The following NUP153 variants were observed in gnomAD, a reference collection of about 807,000 sequenced individuals.
NUP153 encodes the protein nucleoporin 153, also known as nuclear pore complex protein Nup153.
A neutral mutation model predicts 134.6 loss-of-function variants in NUP153; 27 were observed. The ratio of observed to expected loss-of-function variants is 0.20; its 90% CI spans 0.15 to 0.28. The LOEUF is 0.28. Ranked by LOEUF, NUP153 falls within the 10% of genes least tolerant of loss-of-function variation. NUP153 has a pLI of 1.00. For missense variants in NUP153, 1,821 were observed against 1,731.3 expected (o/e 1.05, Z -0.92); for synonymous variants, 640 against 623.5 (o/e 1.03, Z -0.40).
At chr6:17,688,025 A>G (rs1769041013) in intron 2 of NUP153, among the ~76,000 whole-genome samples, 2 of 152,172 alleles carry the variant, frequency 1.3e-5, no homozygotes, top group South Asian at 4.1e-4. Context: ...AGGCTGAGGC[A>G]GGAGAATGGC....
At chr6:17,681,224 C>T (rs979327954) in intron 2 of NUP153, among the ~76,000 whole-genome samples, 2 of 147,508 alleles carry the variant, frequency 1.4e-5, no homozygotes, top group Non-Finnish European at 3.0e-5. Flanking sequence ...AAAAAAAAAA[C>T]GGACTCAAAA....
chr6:17,669,081 CT>C (rs371772324), intron 7 of NUP153, 53 bp from the exon 8 acceptor site: 119,346 of 907,338 alleles, frequency 0.13, 11 homozygotes, highest in East Asian at 0.16. Flanking sequence ...TGAAAAATAC[CT>C]TTTTTTTTTT....
At chr6:17,659,443 C>T (rs1767041978) in intron 11 of NUP153, among the ~76,000 whole-genome samples, 1 of 152,088 alleles carries the variant, frequency 6.6e-6, no homozygotes, top group Admixed American at 6.6e-5. Flanking sequence ...TCCTTATTTA[C>T]ACAAGGTAAG....
intron 13 of NUP153, among the ~76,000 whole-genome samples, chr6:17,646,487 T>C (rs1766190722): frequency 6.6e-6 from 1 of 152,208 alleles, no homozygotes; most frequent in African/African-American, 2.4e-5. Context: ...ATTACAGGCG[T>C]GAGCCACCGC....
chr6:17,637,654 T>C lies in NUP153; in HGVS notation c.1963A>G (p.Ser655Gly), dbSNP rs773910257. Reference protein sequence around the residue: ...FSSSGIGFGESLKAGSSWQCD... With the variant: ...FSSSGIGFGEGLKAGSSWQCD... Reference sequence around the variant, plus strand: ...TGCCATGATGACCCAGCTTTTAAACTCTCCCCAAACCCAATTCCACTAGAA... The same window carrying C: ...TGCCATGATGACCCAGCTTTTAAACCCTCCCCAAACCCAATTCCACTAGAA... Residue 655 changes from serine (S) to glycine (G), a missense_variant, in exon 16 of 22, where the codon AGT becomes GGT. Coordinates refer to ENST00000262077, the MANE Select transcript of NUP153 (RefSeq NM_005124.4). 1 of 1,613,836 alleles carries C rather than the reference T, an allele frequency of 6.2e-7. No individual in the cohort carries two copies.
chr6:17,654,531 A>G (rs965729320), intron 11 of NUP153, among the ~76,000 whole-genome samples: 7 of 152,146 alleles, frequency 4.6e-5, no homozygotes, highest in African/African-American at 1.7e-4. Flanking sequence ...CATGTTGGCC[A>G]GGCTGGTCTC....
rs1432378795 is a variant in NUP153 at position 17,628,018 on chromosome 6, T to G, written c.3544+637A>C. On this transcript the variant is annotated intron_variant, in intron 18 of 21. Coordinates refer to ENST00000262077, the MANE Select transcript of NUP153 (RefSeq NM_005124.4). This position sits in a 1 kb window ranked among gnomAD's most constrained non-coding sequence, Gnocchi z 5.4. ...TTGTGGATCTAACTTGGATCACTCTTTGTACTGGTGCACTAAGTTTGGGGA... is the reference window on the plus strand; with the variant it reads ...TTGTGGATCTAACTTGGATCACTCTGTGTACTGGTGCACTAAGTTTGGGGA... 6.6e-6 allele frequency among the ~76,000 whole-genome samples: 1 copy of G among 152,222 alleles called. No individual in the cohort carries two copies. Among genetic ancestry groups the G allele is most frequent in the African/African-American group, 2.4e-5 (1 of 41,462 alleles).
chr6:17,624,175 C>T (rs949464027), intron 20 of NUP153, among the ~76,000 whole-genome samples: 14 of 152,138 alleles, frequency 9.2e-5, no homozygotes, highest in African/African-American at 3.4e-4. Context: ...GACAACTCAG[C>T]GGGACTGCCC....
chr6:17,665,255 A>C lies in NUP153; in HGVS notation c.1199T>G (p.Ile400Arg), dbSNP rs1767457252. Residue 400 changes from isoleucine to arginine, a missense_variant, in exon 9 of 22, where the codon ATA becomes AGA. Coordinates refer to ENST00000262077, the MANE Select transcript of NUP153 (RefSeq NM_005124.4). ...TATACTCACACTGCACTTGTTATCTATTCTTTGATTAGTCTTCCTGAATTC... is the reference window on the plus strand; with the variant it reads ...TATACTCACACTGCACTTGTTATCTCTTCTTTGATTAGTCTTCCTGAATTC... ...SGEFRKTNQR[I>R]DNKCSTGYEK... 1 of 1,605,634 alleles carries C rather than the reference A, an allele frequency of 6.2e-7. No individual in the cohort carries two copies. The highest frequency in any genetic ancestry group is 1.3e-5 in the African/African-American group (1 of 74,766).
chr6:17,685,999 T>A (rs1286363505), intron 2 of NUP153, among the ~76,000 whole-genome samples: 1 of 151,658 alleles, frequency 6.6e-6, no homozygotes, highest in Non-Finnish European at 1.5e-5. Flanking sequence ...TTAAAAAAAA[T>A]TTGCTGGGCG....
chr6:17,672,336 G>C (rs1433677638), intron 5 of NUP153, among the ~76,000 whole-genome samples: 1 of 152,154 alleles, frequency 6.6e-6, no homozygotes, highest in African/African-American at 2.4e-5. Flanking sequence ...CGAACACTTT[G>C]GGAAGCCAAC....
At chr6:17,694,732 G>A (rs937305252) in intron 1 of NUP153, among the ~76,000 whole-genome samples, 12 of 151,480 alleles carry the variant, frequency 7.9e-5, no homozygotes, top group Non-Finnish European at 1.8e-4. Flanking sequence ...TAAGCCCAGC[G>A]CTTTGGGAGG....
At position 17,615,790 on chromosome 6, in the gene NUP153, A is replaced by G. The variant is rs954646808; in HGVS notation, c.*307T>C. 2.4e-5 allele frequency: 7 copies of G among 287,152 alleles called. No homozygotes were observed. The highest frequency in any genetic ancestry group is 4.6e-5 in the Non-Finnish European group (7 of 153,514). 17.8% of individuals were successfully genotyped at this position (287,152 alleles called of 1,614,324 possible). ...GGTGTAGACAAAGAGGTTCTATACA[A>G]AGCCATTCACCGTGCAGGCTCCATT... On this transcript the variant is annotated 3_prime_UTR_variant, in exon 22 of 22. Transcript: ENST00000262077. This position sits in a 1 kb window ranked among gnomAD's most constrained non-coding sequence, Gnocchi z 5.7.
intron 1 of NUP153, among the ~76,000 whole-genome samples, chr6:17,689,598 GC>G (rs1157733651): frequency 6.7e-6 from 1 of 150,304 alleles, no homozygotes; most frequent in East Asian, 2.0e-4. Context: ...GTGCAACGGT[GC>G]GATCTCGGCT....
At chr6:17,634,330 T>C (rs1343881708) in intron 16 of NUP153, among the ~76,000 whole-genome samples, 2 of 152,224 alleles carry the variant, frequency 1.3e-5, no homozygotes, top group Non-Finnish European at 2.9e-5. Flanking sequence ...TCAGGCCATC[T>C]TGAGTGAACA....
chr6:17,622,724 G>A (rs1038121468), intron 20 of NUP153, among the ~76,000 whole-genome samples: 5 of 152,056 alleles, frequency 3.3e-5, no homozygotes, highest in Admixed American at 2.0e-4. Context: ...AGTCAATAAT[G>A]TCAGAGAAAC....
chr6:17,665,194 T>C, intron 9 of NUP153, 45 bp downstream of exon 9: 1 of 1,439,932 alleles, frequency 6.9e-7, no homozygotes, highest in Non-Finnish European at 9.7e-7. Context: ...GTCTTACTTA[T>C]TCTAATCAAT....
intron 1 of NUP153, among the ~76,000 whole-genome samples, chr6:17,704,291 CAA>C (rs377303845): frequency 0.015 from 1,419 of 96,414 alleles, 19 homozygotes; most frequent in Non-Finnish European, 0.015. Context: ...GACTCCGTCT[CAA>C]AAAAAAAAAA....
intron 20 of NUP153, among the ~76,000 whole-genome samples, chr6:17,620,419 G>A (rs552567821): frequency 6.6e-6 from 1 of 152,290 alleles, no homozygotes; most frequent in Admixed American, 6.5e-5. Context: ...AGTAAATGGT[G>A]CTTGGAAAAC....
Sources: gnomAD v4.1 joint callset for allele counts (sites outside exome capture counted in the v4.1 genomes callset) on GRCh38, gnomAD v4.1.1 for gene constraint, Gnocchi (gnomAD v3.1) non-coding constraint, MANE v1.5 for transcripts, NCBI Gene and HGNC (gene_info 2026-07-23, HGNC 2026-07-21) for gene names.